The following TMEM132B variants were observed in gnomAD, a reference collection of about 807,000 sequenced individuals.
TMEM132B encodes transmembrane protein 132B.
TMEM132B carries 18 observed loss-of-function variants against 90.8 expected under a neutral mutation model. The ratio of observed to expected loss-of-function variants is 0.20; its 90% confidence interval spans 0.14 to 0.29. The LOEUF (loss-of-function observed/expected upper bound fraction) is 0.29, where lower values mean the gene tolerates loss of function less well. TMEM132B is among the 10% of genes least tolerant of loss of function. The probability of loss-of-function intolerance (pLI) is 1.00; values close to 1 mark genes in which losing one functional copy is unlikely to be tolerated. For missense variants in TMEM132B, 1,096 were observed against 1,326.8 expected, an observed-to-expected ratio of 0.83 and a Z score of 2.70; for synonymous variants, 504 against 523.3, an observed-to-expected ratio of 0.96 and a Z score of 0.50.
chr12:125,571,503 C>G (rs983850594), intron 4 of TMEM132B, among the ~76,000 whole-genome samples: 1 of 152,094 alleles, frequency 6.6e-6, no homozygotes, highest in Non-Finnish European at 1.5e-5. Context: ...GGCACAGTGC[C>G]TGGAACTTAT....
Position 125,654,818 on chromosome 12 carries a change from A to G in TMEM132B, c.*108A>G. On this transcript the variant is annotated 3_prime_UTR_variant, in exon 9 of 9. Transcript: ENST00000682704. This position sits in a 1 kb window ranked among gnomAD's most constrained non-coding sequence, Gnocchi z 5.8. ...TGATTTAACAAAGTTTGATTTGTGG[A>G]GGTCTGGTGGGATTCATTTCTAAGC... The G allele has an allele frequency of 7.7e-7, 1 of 1,297,838 alleles. No homozygotes were observed. The highest frequency in any genetic ancestry group is 1.1e-6 in the Non-Finnish European group (1 of 946,306). The allele number at this position is 1,297,838 out of a possible 1,614,324, so 80.4% of individuals were successfully genotyped here. A position where few individuals can be genotyped will look rare whatever the true frequency, so the allele number is the denominator to read the frequency against.
chr12:125,601,949 T>C (rs924150533), intron 5 of TMEM132B, among the ~76,000 whole-genome samples: 4 of 152,096 alleles, frequency 2.6e-5, no homozygotes, highest in African/African-American at 9.7e-5. Context: ...AATAACAAGT[T>C]CTGAAATTGA....
At chr12:125,283,114 A>G (rs924946560) in intron 1 of TMEM132B, among the ~76,000 whole-genome samples, 1 of 152,172 alleles carries the variant, frequency 6.6e-6, no homozygotes, top group African/African-American at 2.4e-5. Flanking sequence ...TTTCAATTTG[A>G]TTAGCTTTAA....
chr12:125,341,150 A>G (rs1455135694), intron 1 of TMEM132B, among the ~76,000 whole-genome samples: 1 of 152,262 alleles, frequency 6.6e-6, no homozygotes, highest in African/African-American at 2.4e-5. Context: ...GCAGCAGAAC[A>G]TAATGGCTAA....
chr12:125,386,293 T>C (rs915252469), intron 2 of TMEM132B, among the ~76,000 whole-genome samples: 9 of 152,172 alleles, frequency 5.9e-5, no homozygotes, highest in African/African-American at 9.7e-5. Flanking sequence ...CAGCCATTTG[T>C]TGATTTTGAA....
intron 1 of TMEM132B, among the ~76,000 whole-genome samples, chr12:125,187,403 C>T (rs1223269547): frequency 6.6e-6 from 1 of 152,184 alleles, no homozygotes; most frequent in Non-Finnish European, 1.5e-5. Context: ...ACACTGCCCT[C>T]CCCAAGCTAC....
intron 3 of TMEM132B, among the ~76,000 whole-genome samples, chr12:125,432,536 G>T (rs374730070): frequency 0.031 from 1,815 of 58,658 alleles, 318 homozygotes; most frequent in Non-Finnish European, 0.035. Flanking sequence ...TATAGAGAGA[G>T]AGAGAGAGAG....
chr12:125,420,144 C>T (rs1312125512), intron 3 of TMEM132B, among the ~76,000 whole-genome samples: 1 of 152,238 alleles, frequency 6.6e-6, no homozygotes, highest in Non-Finnish European at 1.5e-5. Context: ...ATTCTGGGGT[C>T]AGGAGGACAG....
At chr12:125,217,749 T>C (rs1184185887) in intron 1 of TMEM132B, among the ~76,000 whole-genome samples, 1 of 152,248 alleles carries the variant, frequency 6.6e-6, no homozygotes, top group Non-Finnish European at 1.5e-5. Flanking sequence ...CTACCACGCC[T>C]GGCCTTCCTT....
chr12:125,294,872 G>A (rs762854785), intron 1 of TMEM132B, among the ~76,000 whole-genome samples: 3 of 145,944 alleles, frequency 2.1e-5, no homozygotes, highest in Non-Finnish European at 3.0e-5. Context: ...AGGAGAAAGT[G>A]TTTATGCTAA....
intron 4 of TMEM132B, among the ~76,000 whole-genome samples, chr12:125,547,277 G>A (rs1487472260): frequency 1.3e-5 from 2 of 152,120 alleles, no homozygotes; most frequent in Non-Finnish European, 2.9e-5. Flanking sequence ...AGAGTTCCAG[G>A]TGCTATACAT....
intron 5 of TMEM132B, among the ~76,000 whole-genome samples, chr12:125,640,726 G>A (rs942438730): frequency 1.3e-4 from 20 of 152,258 alleles, no homozygotes; most frequent in Admixed American, 7.8e-4. Context: ...CTTTCTCTAT[G>A]CTGGATTCAG....
At chr12:125,189,003 C>G (rs1957779322) in intron 1 of TMEM132B, among the ~76,000 whole-genome samples, 1 of 152,098 alleles carries the variant, frequency 6.6e-6, no homozygotes, top group Non-Finnish European at 1.5e-5. Flanking sequence ...TTTACCGACC[C>G]CCTTTGGCTG....
intron 1 of TMEM132B, among the ~76,000 whole-genome samples, chr12:125,319,669 G>A (rs1876375136): frequency 2.6e-5 from 4 of 152,172 alleles, no homozygotes; most frequent in Admixed American, 6.5e-5. Context: ...GCAGTTACCA[G>A]GAGGGGGATG....
At chr12:125,438,296 A>C (rs943144341) in intron 3 of TMEM132B, among the ~76,000 whole-genome samples, 1 of 152,186 alleles carries the variant, frequency 6.6e-6, no homozygotes, top group African/African-American at 2.4e-5. Flanking sequence ...AATTCCAGAG[A>C]GGTGTAACTC....
At position 125,657,716 on chromosome 12, in the gene TMEM132B, A is replaced by G. The variant is rs1565889017; in HGVS notation, c.*3006A>G. 6.6e-6 allele frequency: 1 copy of G among 152,158 alleles called. No individual in the cohort carries two copies. The highest frequency in any genetic ancestry group is 2.4e-5 in the African/African-American group (1 of 41,432). The allele number at this position is 152,158 out of a possible 1,614,324, so 9.4% of individuals were successfully genotyped here. A position where few individuals can be genotyped will look rare whatever the true frequency, so the allele number is the denominator to read the frequency against. ...TTAGTCTTGATAAACAACCTGAACC[A>G]AACATTTATAAAGTCCCTTCCTCTC... is the stretch of plus-strand genomic sequence containing the variant. On this transcript the variant is annotated 3_prime_UTR_variant, in exon 9 of 9. Coordinates refer to ENST00000682704, the MANE Select transcript of TMEM132B (RefSeq NM_001366854.1).
chr12:125,423,429 G>C (rs149703043), intron 3 of TMEM132B, among the ~76,000 whole-genome samples: 31 of 152,266 alleles, frequency 2.0e-4, no homozygotes, highest in African/African-American at 6.7e-4. Context: ...GTTTTTGTTT[G>C]TTTTTATTCA....
intron 2 of TMEM132B, among the ~76,000 whole-genome samples, chr12:125,409,659 T>G (rs1879649634): frequency 4.7e-5 from 2 of 42,286 alleles, no homozygotes; most frequent in Non-Finnish European, 9.1e-5. Context: ...TGGAGTGGAG[T>G]GGAGTGAGTG....
At chr12:125,367,727 T>C (rs1476347944) in intron 2 of TMEM132B, among the ~76,000 whole-genome samples, 1 of 152,204 alleles carries the variant, frequency 6.6e-6, no homozygotes, top group Non-Finnish European at 1.5e-5. Flanking sequence ...CTTCCTGTTT[T>C]TGTTTACTCT....
Sources: gnomAD v4.1 joint callset for allele counts (sites outside exome capture counted in the v4.1 genomes callset) on GRCh38, gnomAD v4.1.1 for gene constraint, Gnocchi (gnomAD v3.1) non-coding constraint, MANE v1.5 for transcripts, NCBI Gene and HGNC (gene_info 2026-07-23, HGNC 2026-07-21) for gene names.